Variants in UGT2B11 observed in about 807,000 individuals in gnomAD.
The protein encoded by UGT2B11 is UDP-glucuronosyltransferase 2B11.
Under a neutral mutation model 51.7 loss-of-function variants are expected in UGT2B11, and 49 were observed. That is an observed-to-expected ratio of 0.95 (90% confidence interval 0.75 to 1.20). The LOEUF is 1.20. Among genes scored for constraint, UGT2B11 ranks in the 50% most tolerant of loss-of-function variants. UGT2B11 has a pLI of 0.00. For missense variants in UGT2B11, 810 were observed against 622.1 expected (o/e 1.30, Z -3.21); for synonymous variants, 273 against 209.0 (o/e 1.31, Z -2.64).
At chr4:69,219,160 A>C (rs532386235), upstream of UGT2B11, among the ~76,000 whole-genome samples, 15 of 152,192 alleles carry the variant, frequency 9.9e-5, no homozygotes, top group African/African-American at 3.6e-4. Context: ...ATGAAAAAAA[A>C]AACCTGGTGT....
upstream of UGT2B11, chr4:69,216,315 A>G (rs1332614388): frequency 1.3e-5 from 2 of 152,038 alleles, no homozygotes; most frequent in African/African-American, 4.8e-5. Flanking sequence ...GCATCTTTGA[A>G]TCATATGCCA....
intron 2 of UGT2B11, 152 bp downstream of exon 2, chr4:69,212,421 C>A: frequency 7.4e-7 from 1 of 1,346,086 alleles, no homozygotes; most frequent in Non-Finnish European, 1.0e-6. Flanking sequence ...ACGGTATTAA[C>A]ATATACATGA....
intron 3 of UGT2B11, 31 bp downstream of exon 3, chr4:69,208,320 T>G: frequency 1.2e-6 from 2 of 1,607,260 alleles, no homozygotes; most frequent in African/African-American, 2.7e-5. Context: ...CTTTCAGCAG[T>G]TTTCCACACC....
upstream of UGT2B11, among the ~76,000 whole-genome samples, chr4:69,217,525 A>G (rs1722304357): frequency 6.6e-6 from 1 of 152,082 alleles, no homozygotes; most frequent in African/African-American, 2.4e-5. Context: ...GAAGTGATTA[A>G]CAACTGACAT....
At chr4:69,209,673 C>G (rs1721984513) in intron 2 of UGT2B11, among the ~76,000 whole-genome samples, 1 of 151,568 alleles carries the variant, frequency 6.6e-6, no homozygotes, top group Non-Finnish European at 1.5e-5. Flanking sequence ...AGTCCTTGTA[C>G]TACTATTCCA....
At chr4:69,210,714 A>G (rs1722029556) in intron 2 of UGT2B11, among the ~76,000 whole-genome samples, 2 of 151,580 alleles carry the variant, frequency 1.3e-5, no homozygotes, top group African/African-American at 2.4e-5. Flanking sequence ...GTCTTACTTC[A>G]GCTTTTCTCT....
upstream of UGT2B11, among the ~76,000 whole-genome samples, chr4:69,218,607 TG>T (rs1206061977): frequency 1.3e-5 from 2 of 152,020 alleles, no homozygotes; most frequent in Admixed American, 1.3e-4. Flanking sequence ...AAAGTCTCCT[TG>T]GAAGTGTTCC....
In UGT2B11 at chr4:69,204,648, A is replaced by T. The variant is rs144106768; in HGVS notation, c.1092T>A (p.Gly364=). 0.01 allele frequency: 16,632 copies of T among 1,611,406 alleles called. 1,073 individuals are homozygous for T. In the East Asian group the frequency reaches 0.19, roughly 19 times the overall value. Residue 364 remains glycine, a splice_region_variant and synonymous_variant, in exon 5 of 6, where the codon GGT becomes GGA. Transcript: ENST00000446444. ...YKWIPQNDLL[G]HPKTRAFITH... ...TTATAAAAGCTCTGGTTTTTGGATGACCTAGGATTGGATGAATTTTAGCAA... is the reference window on the plus strand; with the variant it reads ...TTATAAAAGCTCTGGTTTTTGGATGTCCTAGGATTGGATGAATTTTAGCAA...
upstream of UGT2B11, chr4:69,215,973 T>C (rs1361357395): frequency 6.6e-5 from 10 of 152,026 alleles, no homozygotes; most frequent in Non-Finnish European, 1.2e-4. Context: ...AAAGTCAAAA[T>C]GAAGAAAATG....
At chr4:69,214,809 C>G, upstream of UGT2B11, 1 of 1,525,412 alleles carries the variant, frequency 6.6e-7, no homozygotes. Flanking sequence ...TAAAATATAA[C>G]TCCTCCAATC....
At chr4:69,203,548 A>G (rs1721740921) in intron 5 of UGT2B11, among the ~76,000 whole-genome samples, 1 of 151,790 alleles carries the variant, frequency 6.6e-6, no homozygotes, top group African/African-American at 2.4e-5. Flanking sequence ...AAGTATAGCA[A>G]TATTCCTAGT....
intron 2 of UGT2B11, 122 bp downstream of exon 2, chr4:69,212,451 T>C: frequency 6.6e-7 from 1 of 1,509,064 alleles, no homozygotes; most frequent in Non-Finnish European, 8.9e-7. Context: ...TAGTATCTGC[T>C]TTACACCACC....
Position 69,203,196 on chromosome 4 carries a change from C to A in UGT2B11, c.1310+1234G>T, listed in dbSNP as rs559363554. ...ACAAATAGAAAAGTTAAAAATGTTCCAAGCATTGGAATAGACATGTTTTCT... is the reference window on the plus strand; with the variant it reads ...ACAAATAGAAAAGTTAAAAATGTTCAAAGCATTGGAATAGACATGTTTTCT... On this transcript the variant is annotated intron_variant, in intron 5 of 5. Transcript: ENST00000446444. Among the ~76,000 whole-genome samples, 3 of 151,596 alleles carry A rather than the reference C, an allele frequency of 2.0e-5. No homozygotes were observed. The East Asian group carries it at 5.9e-4, about 30-fold the overall frequency.
chr4:69,205,652 G>A, intron 3 of UGT2B11, 85 bp from the exon 4 acceptor site: 12 of 1,405,056 alleles, frequency 8.5e-6, no homozygotes, highest in Middle Eastern at 2.5e-4. Context: ...ATAGGAATGA[G>A]ATCAAGGGAT....
the UGT2B11 span, among the ~76,000 whole-genome samples, chr4:69,223,418 T>A: frequency 5.3e-5 from 8 of 152,256 alleles, no homozygotes; most frequent in Admixed American, 6.5e-5. Flanking sequence ...GAGCCCTCCA[T>A]CTACTGGATT....
At chr4:69,224,587 G>T in the UGT2B11 span, among the ~76,000 whole-genome samples, 10 of 152,064 alleles carry the variant, frequency 6.6e-5, no homozygotes, top group African/African-American at 2.4e-4. Flanking sequence ...AGCCAAAGAG[G>T]TCTGATCATA....
chr4:69,211,474 T>C (rs1722062611), intron 2 of UGT2B11, among the ~76,000 whole-genome samples: 1 of 151,618 alleles, frequency 6.6e-6, no homozygotes, highest in Non-Finnish European at 1.5e-5. Context: ...TGAGGAATGA[T>C]ATCTCAAGTG....
chr4:69,200,480 C>T lies in UGT2B11; in HGVS notation c.1550G>A (p.Trp517Ter). ...IITKFCLFCF[W>*]KFARKGKKGK... Reference sequence around the variant, plus strand: ...CTTCTTCCCTTTTCTAGCAAACTTCCAGAAACAAAACAGACAAAACTTTGT... The same window carrying T: ...CTTCTTCCCTTTTCTAGCAAACTTCTAGAAACAAAACAGACAAAACTTTGT... The change falls in exon 6 of 6, where the codon TGG (tryptophan) becomes TAG (stop). Residue 517 changes from tryptophan to a stop codon, truncating the protein, a stop_gained. Transcript: ENST00000446444. LOFTEE classifies it high-confidence loss of function. 1 of 1,611,744 alleles carries T rather than the reference C, an allele frequency of 6.2e-7. No homozygotes were observed. The highest frequency in any genetic ancestry group is 8.5e-7 in the Non-Finnish European group (1 of 1,178,688).
intron 3 of UGT2B11, 58 bp from the exon 4 acceptor site, chr4:69,205,625 T>C (rs1721823333): frequency 6.4e-7 from 1 of 1,556,700 alleles, no homozygotes. Context: ...TTATAGAATG[T>C]TAGAACTGTA....
Sources: allele counts gnomAD v4.1 joint callset (sites outside exome capture counted in the v4.1 genomes callset), GRCh38; gene constraint gnomAD v4.1.1; transcripts MANE v1.5; gene names NCBI Gene and HGNC (gene_info 2026-07-23, HGNC 2026-07-21).